The following LTC4S variants were observed in gnomAD, a reference collection of about 807,000 sequenced individuals.
LTC4S encodes the protein LTC4 synthase.
Under a neutral mutation model 19.6 loss-of-function variants are expected in LTC4S, and 18 were observed. That is an observed-to-expected ratio of 0.92 (90% confidence interval 0.64 to 1.36). The LOEUF (loss-of-function observed/expected upper bound fraction) is 1.36. Among genes scored for constraint, LTC4S ranks in the 40% most tolerant of loss-of-function variants. The pLI is 0.00. For synonymous variants in LTC4S, 126 were observed against 110.1 expected, an observed-to-expected ratio of 1.14 and a Z score of -0.91; for missense variants, 235 against 212.2, an observed-to-expected ratio of 1.11 and a Z score of -0.67.
intron 1 of LTC4S, 30 bp downstream of exon 1, chr5:179,794,168 G>A: frequency 1.9e-6 from 3 of 1,612,804 alleles, no homozygotes; most frequent in Non-Finnish European, 1.7e-6. Context: ...GGAAGAGGGT[G>A]GGCCTTAGAT....
chr5:179,795,070 C>A (rs1756563757), intron 1 of LTC4S, among the ~76,000 whole-genome samples: 1 of 152,124 alleles, frequency 6.6e-6, no homozygotes, highest in Non-Finnish European at 1.5e-5. Flanking sequence ...GTGATCCCGG[C>A]CTGAGGCAGG....
Position 179,796,555 on chromosome 5 carries a change from G to C in LTC4S, c.*161G>C. ...GGGTCCGCGGGGGTGGCGCACCGCG[G>C]GCTACGGAGCCTGGAGGGGCCCAGC... On this transcript the variant is annotated 3_prime_UTR_variant, in exon 5 of 5. Coordinates refer to ENST00000292596, the MANE Select transcript of LTC4S (RefSeq NM_145867.2). 3 of 1,173,714 alleles carry C rather than the reference G, an allele frequency of 2.6e-6. No individual in the cohort carries two copies. The highest frequency in any genetic ancestry group is 3.3e-6 in the Non-Finnish European group (3 of 910,314). 72.7% of individuals were successfully genotyped at this position (1,173,714 alleles called of 1,614,324 possible). A position where few individuals can be genotyped will look rare whatever the true frequency, so the allele number is the denominator to read the frequency against.
Position 179,796,585 on chromosome 5 carries a change from G to A in LTC4S, c.*191G>A, listed in dbSNP as rs2113416287. 1.2e-6 allele frequency: 1 copy of A among 858,994 alleles called. No individual in the cohort carries two copies. 53.2% of individuals were successfully genotyped at this position (858,994 alleles called of 1,614,324 possible). ...CGGAGCCTGGAGGGGCCCAGCCCGA[G>A]TCCGGGCAGCCCGGGGCGGGCTTCC... On this transcript the variant is annotated 3_prime_UTR_variant, in exon 5 of 5. Transcript: ENST00000292596.
At position 179,796,253 on chromosome 5, in the gene LTC4S, G is replaced by T; in HGVS notation, c.312G>T (p.Arg104Ser). The part of the protein sequence containing the change: ...FQGYARSAQL[R>S]LAPLYASARA... ...CCTCCCCGCTGACCGCCGCCCGCAG[G>T]CTGGCACCGCTGTACGCGAGCGCGC... The change falls in exon 5 of 5, where the codon AGG becomes AGT. Residue 104 changes from arginine (R) to serine (S), a missense_variant and splice_region_variant. Coordinates refer to ENST00000292596, the MANE Select transcript of LTC4S (RefSeq NM_145867.2). 1 of 1,462,726 alleles carries T rather than the reference G, an allele frequency of 6.8e-7. No homozygotes were observed. The highest frequency in any genetic ancestry group is 9.0e-7 in the Non-Finnish European group (1 of 1,112,454). The allele number at this position is 1,462,726 out of a possible 1,614,324, so 90.6% of individuals were successfully genotyped here.
At position 179,796,180 on chromosome 5, in the gene LTC4S, C is replaced by T. The variant is rs1032421948; in HGVS notation, c.312-73C>T. The T allele has an allele frequency of 2.2e-5, 29 of 1,306,292 alleles. 1 individual carries two copies. The Admixed American group carries it at 8.6e-4, about 39-fold the overall frequency. The allele number at this position is 1,306,292 out of a possible 1,614,324, so 80.9% of individuals were successfully genotyped here. The stretch of plus-strand genomic sequence containing the variant: ...CCCTGGCGGCGGCCAGAGGAAGTCC[C>T]CGTGGGGCCAGGGTTGCGGCGGGGA... On this transcript the variant is annotated intron_variant, in intron 4 of 4. Coordinates refer to ENST00000292596, the MANE Select transcript of LTC4S (RefSeq NM_145867.2).
intron 1 of LTC4S, 87 bp downstream of exon 1, chr5:179,794,225 G>A: frequency 6.5e-7 from 1 of 1,544,010 alleles, no homozygotes; most frequent in East Asian, 2.3e-5. Flanking sequence ...GAGGGCAGAG[G>A]TGGGGACTCC....
chr5:179,795,968 A>G lies in LTC4S; in HGVS notation c.257A>G (p.Tyr86Cys). 6.5e-7 allele frequency: 1 copy of G among 1,546,268 alleles called. No individual in the cohort carries two copies. Among genetic ancestry groups the G allele is most frequent in the South Asian group, 1.2e-5 (1 of 85,904 alleles). Residue 86 changes from tyrosine (Y) to cysteine (C), a missense_variant, in exon 4 of 5, where the codon TAC becomes TGC. Coordinates refer to ENST00000292596, the MANE Select transcript of LTC4S (RefSeq NM_145867.2). ...GCGGCGGCCCTGTGCGGCCTGGTCTACCTGTTCGCGCGCCTCCGCTACTTC... is the reference window on the plus strand; with the variant it reads ...GCGGCGGCCCTGTGCGGCCTGGTCTGCCTGTTCGCGCGCCTCCGCTACTTC... The part of the protein sequence containing the change: ...EGAAALCGLV[Y>C]LFARLRYFQG...
intron 1 of LTC4S, among the ~76,000 whole-genome samples, chr5:179,794,985 T>A (rs1374581588): frequency 6.6e-6 from 1 of 152,186 alleles, no homozygotes; most frequent in Non-Finnish European, 1.5e-5. Flanking sequence ...AGAAGGTGTC[T>A]GTCAGATTTA....
In LTC4S at chr5:179,795,782, G is replaced by A. The variant is rs1223652264; in HGVS notation, c.159-4G>A. Reference sequence around the variant, plus strand: ...GGCGCGCTCATCCCACCCGCCCACCGCAGGGTGAACTGCAGCGAGTACTTC... The same window carrying A: ...GGCGCGCTCATCCCACCCGCCCACCACAGGGTGAACTGCAGCGAGTACTTC... On this transcript the variant is annotated splice_polypyrimidine_tract_variant and splice_region_variant and intron_variant, in intron 2 of 4. Coordinates refer to ENST00000292596, the MANE Select transcript of LTC4S (RefSeq NM_145867.2). 2.1e-6 allele frequency: 2 copies of A among 958,118 alleles called. No individual in the cohort carries two copies. The highest frequency in any genetic ancestry group is 1.6e-6 in the Non-Finnish European group (1 of 612,434). The allele number at this position is 958,118 out of a possible 1,614,324, so 59.4% of individuals were successfully genotyped here.
At position 179,796,288 on chromosome 5, in the gene LTC4S, G is replaced by C. The variant is rs1341627849; in HGVS notation, c.347G>C (p.Trp116Ser). The C allele has an allele frequency of 1.4e-6, 2 of 1,472,184 alleles. No homozygotes were observed. Among genetic ancestry groups the C allele is most frequent in the South Asian group, 1.3e-5 (1 of 77,612 alleles). 91.2% of individuals were successfully genotyped at this position (1,472,184 alleles called of 1,614,324 possible). The stretch of plus-strand genomic sequence containing the variant: ...CTGTACGCGAGCGCGCGCGCCCTCT[G>C]GCTGCTGGTGGCGCTGGCTGCGCTC... ...APLYASARAL[W>S]LLVALAALGL... The change falls in exon 5 of 5, where the codon TGG becomes TCG. Residue 116 changes from tryptophan to serine, a missense_variant. Trp to Ser is a radical substitution (Grantham distance 177). Coordinates refer to ENST00000292596, the MANE Select transcript of LTC4S (RefSeq NM_145867.2).
In LTC4S at chr5:179,796,203, G is replaced by A; in HGVS notation, c.312-50G>A. 2.9e-6 allele frequency: 4 copies of A among 1,369,468 alleles called. No individual in the cohort carries two copies. In the South Asian group the frequency reaches 5.7e-5, roughly 20 times the overall value. The allele number at this position is 1,369,468 out of a possible 1,614,324, so 84.8% of individuals were successfully genotyped here. On this transcript the variant is annotated intron_variant, in intron 4 of 4. Coordinates refer to ENST00000292596, the MANE Select transcript of LTC4S (RefSeq NM_145867.2). The stretch of plus-strand genomic sequence containing the variant: ...CCCCGTGGGGCCAGGGTTGCGGCGG[G>A]GAAGAAGCGGGCCTCCTCGCGCCAC...
Position 179,795,807 on chromosome 5 carries a change from C to T in LTC4S, c.180C>T (p.Phe60=), listed in dbSNP as rs772069106. The change falls in exon 3 of 5, where the codon TTC becomes TTT. Residue 60 remains phenylalanine (F), a synonymous_variant. Transcript: ENST00000292596. ...YRAQVNCSEY[F]PLFLATLWVA... ...GCAGGGTGAACTGCAGCGAGTACTT[C>T]CCGCTGTTCCTCGCCACGCTCTGGG... 6 of 1,598,522 alleles carry T rather than the reference C, an allele frequency of 3.8e-6. No homozygotes were observed. Among genetic ancestry groups the T allele is most frequent in the Admixed American group, 1.7e-5 (1 of 59,532 alleles).
chr5:179,796,333 TCCCGG>T lies in LTC4S; in HGVS notation c.395_399del (p.Pro132ArgfsTer52). 4 of 1,487,452 alleles carry T rather than the reference TCCCGG, an allele frequency of 2.7e-6. No homozygotes were observed. Among genetic ancestry groups the T allele is most frequent in the Non-Finnish European group, 3.6e-6 (4 of 1,126,466 alleles). 92.1% of individuals were successfully genotyped at this position (1,487,452 alleles called of 1,614,324 possible). ...GCGCTCGGCCTGCTCGCCCACTTCC[TCCCGG>T]CCGCGCTGCGCGCCGCGCTCCTCGG... On this transcript the variant is annotated frameshift_variant, in exon 5 of 5. Coordinates refer to ENST00000292596, the MANE Select transcript of LTC4S (RefSeq NM_145867.2). LOFTEE classifies it high-confidence loss of function.
At chr5:179,795,479 G>A (rs1323222806) in intron 1 of LTC4S, 105 bp from the exon 2 acceptor site, 1 of 1,525,386 alleles carries the variant, frequency 6.6e-7, no homozygotes, top group Non-Finnish European at 8.8e-7. Context: ...CCTTAGGGAG[G>A]AGAGGACACG....
At position 179,794,107 on chromosome 5, in the gene LTC4S, T is replaced by C; in HGVS notation, c.27T>C (p.Ala9=). ...TGAAGGACGAGGTAGCTCTACTGGC[T>C]GCTGTCACCCTCCTGGGAGTCCTGC... MKDEVALL[A]AVTLLGVLLQ... Residue 9 remains alanine (A), a synonymous_variant, in exon 1 of 5, where the codon GCT becomes GCC. Coordinates refer to ENST00000292596, the MANE Select transcript of LTC4S (RefSeq NM_145867.2). The C allele has an allele frequency of 6.2e-7, 1 of 1,613,682 alleles. No individual in the cohort carries two copies. The highest frequency in any genetic ancestry group is 8.5e-7 in the Non-Finnish European group (1 of 1,179,982).
In LTC4S at chr5:179,796,400, A is replaced by G; in HGVS notation, c.*6A>G. On this transcript the variant is annotated 3_prime_UTR_variant, in exon 5 of 5. Coordinates refer to ENST00000292596, the MANE Select transcript of LTC4S (RefSeq NM_145867.2). The stretch of plus-strand genomic sequence containing the variant: ...CGCTGCTGCCGTGGGCCTGAGACCA[A>G]GGCCCCCGGGCCGACGGAGCCGGGA... 6.7e-7 allele frequency: 1 copy of G among 1,488,252 alleles called. No homozygotes were observed. 92.2% of individuals were successfully genotyped at this position (1,488,252 alleles called of 1,614,324 possible).
Position 179,794,074 on chromosome 5 carries a change from C to A in LTC4S, c.-7C>A, listed in dbSNP as rs761669777. ...CACACAGCCCGTGCCACCACACCGA[C>A]GGTACCATGAAGGACGAGGTAGCTC... On this transcript the variant is annotated 5_prime_UTR_variant, in exon 1 of 5. Coordinates refer to ENST00000292596, the MANE Select transcript of LTC4S (RefSeq NM_145867.2). 25 of 1,613,568 alleles carry A rather than the reference C, an allele frequency of 1.5e-5. No individual in the cohort carries two copies. Among genetic ancestry groups the A allele is most frequent in the Non-Finnish European group, 1.7e-5 (20 of 1,179,970 alleles).
Position 179,795,649 on chromosome 5 carries a change from G to T in LTC4S, c.124G>T (p.Gly42Cys), listed in dbSNP as rs372785497. 32 of 1,609,002 alleles carry T rather than the reference G, an allele frequency of 2.0e-5. No individual in the cohort carries two copies. The highest frequency in any genetic ancestry group is 2.5e-5 in the Non-Finnish European group (30 of 1,178,948). Reference sequence around the variant, plus strand: ...CCGCGTGTCGCCGCCGCTCACCACCGGCCCACCCGAGTTCGAGCGCGTCTA... The same window carrying T: ...CCGCGTGTCGCCGCCGCTCACCACCTGCCCACCCGAGTTCGAGCGCGTCTA... ...AFRVSPPLTT[G>C]PPEFERVYRA... Residue 42 changes from glycine to cysteine, a missense_variant, in exon 2 of 5, where the codon GGC (glycine) becomes TGC (cysteine). Transcript: ENST00000292596.
At chr5:179,796,066 C>A (rs1180718414) in intron 4 of LTC4S, 44 bp downstream of exon 4, 1 of 1,075,038 alleles carries the variant, frequency 9.3e-7, no homozygotes, top group Non-Finnish European at 1.2e-6. Flanking sequence ...GGAAAGATCG[C>A]GGGCGGGCGG....
Sources: allele counts gnomAD v4.1 joint callset (sites outside exome capture counted in the v4.1 genomes callset), GRCh38; gene constraint gnomAD v4.1.1; transcripts MANE v1.5; gene names NCBI Gene and HGNC (gene_info 2026-07-23, HGNC 2026-07-21).